The following GPC5 variants were observed in gnomAD, a reference collection of about 807,000 sequenced individuals.
GPC5 encodes glypican 5.
In GPC5, 47 loss-of-function variants were observed where a neutral mutation model predicts 53.9. That is an observed-to-expected ratio of 0.87 (90% CI 0.69 to 1.11). The LOEUF is 1.11. GPC5 is among the 50% of genes most tolerant of loss of function. The probability of loss-of-function intolerance (pLI) is 0.00; values close to 1 mark genes in which losing one functional copy is unlikely to be tolerated. For synonymous variants in GPC5, 286 were observed against 263.3 expected (o/e 1.09, Z -0.84); for missense variants, 748 against 713.1 (o/e 1.05, Z -0.56).
intron 6 of GPC5, among the ~76,000 whole-genome samples, chr13:92,002,504 G>T (rs185691451): frequency 6.4e-4 from 98 of 152,290 alleles, no homozygotes; most frequent in Non-Finnish European, 1.1e-3. Flanking sequence ...GATAAGCAAA[G>T]CAGATGCCAC....
intron 7 of GPC5, among the ~76,000 whole-genome samples, chr13:92,305,872 C>T (rs1313400993): frequency 2.0e-5 from 3 of 152,036 alleles, no homozygotes; most frequent in Non-Finnish European, 1.5e-5. Flanking sequence ...TGAGATTCAG[C>T]GAAGGATTCA....
chr13:91,828,312 CTGTA>C (rs1283473562), intron 5 of GPC5, among the ~76,000 whole-genome samples: 1 of 151,942 alleles, frequency 6.6e-6, no homozygotes, highest in Non-Finnish European at 1.5e-5. Context: ...CACACAATAA[CTGTA>C]TGTGAATGTC....
intron 2 of GPC5, among the ~76,000 whole-genome samples, chr13:91,518,416 T>C (rs112395478): frequency 0.09 from 13,642 of 152,146 alleles, 772 homozygotes; most frequent in Middle Eastern, 0.15. Context: ...TAAAATTACA[T>C]GACAATTCGT....
intron 2 of GPC5, among the ~76,000 whole-genome samples, chr13:91,632,252 A>C (rs768544879): frequency 6.6e-6 from 1 of 152,164 alleles, no homozygotes; most frequent in Non-Finnish European, 1.5e-5. Flanking sequence ...TTAGTGTGCA[A>C]GATGACACAT....
chr13:92,797,328 TTC>T (rs1249441071), intron 7 of GPC5, among the ~76,000 whole-genome samples: 1 of 151,948 alleles, frequency 6.6e-6, no homozygotes, highest in Non-Finnish European at 1.5e-5. Context: ...TATGAATTTA[TTC>T]TCTGTTACTG....
intron 2 of GPC5, among the ~76,000 whole-genome samples, chr13:91,467,561 G>A (rs1450115325): frequency 6.6e-6 from 1 of 151,728 alleles, no homozygotes; most frequent in Non-Finnish European, 1.5e-5. Flanking sequence ...TCCTCTCACT[G>A]TCTTAATTTG....
At chr13:92,439,800 C>G (rs1418600526) in intron 7 of GPC5, among the ~76,000 whole-genome samples, 2 of 152,076 alleles carry the variant, frequency 1.3e-5, no homozygotes, top group Admixed American at 1.3e-4. Flanking sequence ...GAACACAGAG[C>G]CCATTGTAAT....
chr13:92,577,505 C>A (rs9589583), intron 7 of GPC5, among the ~76,000 whole-genome samples: 79,055 of 150,382 alleles, frequency 0.53, 22,627 homozygotes, highest in African/African-American at 0.77. Context: ...TACATAAATA[C>A]CTTTCTCAAG....
At chr13:91,662,663 TA>T (rs1464980154) in intron 2 of GPC5, among the ~76,000 whole-genome samples, 1 of 152,206 alleles carries the variant, frequency 6.6e-6, no homozygotes, top group African/African-American at 2.4e-5. Flanking sequence ...CTATTGTTAT[TA>T]CCCCAGGGAT....
intron 7 of GPC5, among the ~76,000 whole-genome samples, chr13:92,710,909 T>A (rs1184205334): frequency 6.6e-6 from 1 of 152,230 alleles, no homozygotes; most frequent in Non-Finnish European, 1.5e-5. Flanking sequence ...GACTGAATAA[T>A]GACCCAATTT....
chr13:91,609,665 A>G (rs1426083641), intron 2 of GPC5, among the ~76,000 whole-genome samples: 1 of 152,178 alleles, frequency 6.6e-6, no homozygotes, highest in Non-Finnish European at 1.5e-5. Flanking sequence ...GCCATCCCCC[A>G]AGGCTCAGGA....
At position 91,610,188 on chromosome 13, in the gene GPC5, C is replaced by T. The variant is rs1440298313; in HGVS notation, c.326-82999C>T. Among the ~76,000 whole-genome samples, 3 of 152,134 alleles carry T rather than the reference C, an allele frequency of 2.0e-5. 1 individual carries two copies. Among genetic ancestry groups the T allele is most frequent in the Non-Finnish European group, 4.4e-5 (3 of 68,020 alleles). On this transcript the variant is annotated intron_variant, in intron 2 of 7. Coordinates refer to ENST00000377067, the MANE Select transcript of GPC5 (RefSeq NM_004466.6). ...CAGAACAGTAGAAAGATTATGAATG[C>T]ATTATAAAATGTTTACATGCTTAAT...
intron 5 of GPC5, among the ~76,000 whole-genome samples, chr13:91,861,206 T>G (rs1351334745): frequency 6.6e-6 from 1 of 152,228 alleles, no homozygotes; most frequent in African/African-American, 2.4e-5. Flanking sequence ...GTGTAGTTTT[T>G]ATAAATGTCA....
chr13:92,740,381 T>A (rs1476857946), intron 7 of GPC5, among the ~76,000 whole-genome samples: 1 of 152,120 alleles, frequency 6.6e-6, no homozygotes, highest in African/African-American at 2.4e-5. Context: ...TGCTTTTGTC[T>A]CTCTCATGCA....
At chr13:92,379,457 C>G (rs998401534) in intron 7 of GPC5, among the ~76,000 whole-genome samples, 1 of 152,174 alleles carries the variant, frequency 6.6e-6, no homozygotes, top group African/African-American at 2.4e-5. Flanking sequence ...GCACGATTAG[C>G]ACTATTAATT....
chr13:92,216,282 T>C (rs987707522), intron 7 of GPC5, among the ~76,000 whole-genome samples: 3 of 152,206 alleles, frequency 2.0e-5, no homozygotes, highest in Admixed American at 6.5e-5. Context: ...GCCTAGATTC[T>C]AGTTGTTTGC....
chr13:92,632,914 A>G (rs1885299481), intron 7 of GPC5, among the ~76,000 whole-genome samples: 2 of 152,102 alleles, frequency 1.3e-5, no homozygotes, highest in Admixed American at 1.3e-4. Flanking sequence ...TTTTTGAGAC[A>G]GAGTTTTGCT....
chr13:92,756,337 A>C (rs2139332935), intron 7 of GPC5, among the ~76,000 whole-genome samples: 1 of 152,278 alleles, frequency 6.6e-6, no homozygotes, highest in East Asian at 1.9e-4. Flanking sequence ...ATTTAAAAAT[A>C]ATAAGAGCTA....
chr13:92,545,543 A>G (rs1346984803), intron 7 of GPC5, among the ~76,000 whole-genome samples: 2 of 152,170 alleles, frequency 1.3e-5, no homozygotes, highest in East Asian at 1.9e-4. Context: ...CCAACAGTGT[A>G]AAAGTGTTCT....
Sources: allele counts gnomAD v4.1 joint callset (sites outside exome capture counted in the v4.1 genomes callset), GRCh38; gene constraint gnomAD v4.1.1; transcripts MANE v1.5; gene names NCBI Gene and HGNC (gene_info 2026-07-23, HGNC 2026-07-21).